The following CARD19 variants were observed in gnomAD, a reference collection of about 807,000 sequenced individuals.
CARD19 encodes caspase recruitment domain family member 19.
CARD19 carries 25 observed loss-of-function variants against 24.1 expected under a neutral mutation model. That is an observed-to-expected ratio of 1.04 (90% confidence interval 0.76 to 1.45). The LOEUF is 1.45. Among genes scored for constraint, CARD19 ranks in the 40% most tolerant of loss-of-function variants. The pLI is 0.00. For synonymous variants in CARD19, 103 were observed against 104.9 expected, an observed-to-expected ratio of 0.98 and a Z score of 0.11; for missense variants, 241 against 247.4, an observed-to-expected ratio of 0.97 and a Z score of 0.17.
chr9:93,098,376 G>A (rs1826957784), intron 1 of CARD19, among the ~76,000 whole-genome samples: 2 of 152,200 alleles, frequency 1.3e-5, no homozygotes, highest in Admixed American at 1.3e-4. Flanking sequence ...GGTGAGAGTG[G>A]GTGGGGCCAG....
intron 1 of CARD19, among the ~76,000 whole-genome samples, chr9:93,107,440 C>T (rs1014278127): frequency 1.3e-5 from 2 of 152,244 alleles, no homozygotes; most frequent in Non-Finnish European, 2.9e-5. Flanking sequence ...AGTGGGTTTC[C>T]ACCGCAACCC....
At chr9:93,098,738 C>T (rs1826972095) in intron 1 of CARD19, among the ~76,000 whole-genome samples, 1 of 152,186 alleles carries the variant, frequency 6.6e-6, no homozygotes, top group Non-Finnish European at 1.5e-5. Context: ...ACCGTGCGGC[C>T]TGTGCCAGCT....
intron 1 of CARD19, among the ~76,000 whole-genome samples, chr9:93,097,560 C>T (rs1234597784): frequency 2.6e-5 from 4 of 152,292 alleles, no homozygotes; most frequent in Admixed American, 6.5e-5. Context: ...AAATTGTGCC[C>T]TGCCCAGGCT....
intron 1 of CARD19, 48 bp from the exon 2 acceptor site, chr9:93,107,626 G>T: frequency 6.2e-7 from 1 of 1,607,372 alleles, no homozygotes; most frequent in East Asian, 2.2e-5. Flanking sequence ...TGTCGTCTCT[G>T]GTCCCCTTGG....
At chr9:93,106,808 C>T (rs73522745) in intron 1 of CARD19, among the ~76,000 whole-genome samples, 18 of 152,080 alleles carry the variant, frequency 1.2e-4, no homozygotes, top group African/African-American at 3.4e-4. Context: ...TCTTTGTGTA[C>T]ATGGGGAAAC....
In CARD19 at chr9:93,113,035, G is replaced by C. The variant is rs200862108; in HGVS notation, c.480G>C (p.Ser160=). ...LPGTRRVLGF[S]PVIIDRHVSR... ...GGACCCGGCGCGTCCTCGGTTTCTC[G>C]CCTGTCATCATCGACAGACATGTCA... Residue 160 remains serine, a synonymous_variant, in exon 6 of 6, where the codon TCG becomes TCC. Transcript: ENST00000375464. The C allele has an allele frequency of 6.2e-7, 1 of 1,608,916 alleles. No individual in the cohort carries two copies. The highest frequency in any genetic ancestry group is 8.5e-7 in the Non-Finnish European group (1 of 1,177,564).
intron 3 of CARD19, chr9:93,111,187 C>T: frequency 1.7e-6 from 2 of 1,189,824 alleles, no homozygotes; most frequent in Non-Finnish European, 2.1e-6. Context: ...TTCCATAGGA[C>T]ATTGTCAGGC....
Position 93,112,993 on chromosome 9 carries a change from C to A in CARD19, c.438C>A (p.Asp146Glu). The change falls in exon 6 of 6, where the codon GAC (aspartate) becomes GAA (glutamate). Residue 146 changes from aspartate to glutamate, a missense_variant and splice_region_variant. Coordinates refer to ENST00000375464, the MANE Select transcript of CARD19 (RefSeq NM_032310.5). ...LALLLYCYPP[D>E]PKGLPGTRRV... Reference sequence around the variant, plus strand: ...TTTGCCTCCCCTTTTGTCTTCTAGACCCCAAGGGCCTGCCAGGGACCCGGC... The same window carrying A: ...TTTGCCTCCCCTTTTGTCTTCTAGAACCCAAGGGCCTGCCAGGGACCCGGC... The A allele has an allele frequency of 6.2e-7, 1 of 1,604,964 alleles. No individual in the cohort carries two copies. The highest frequency in any genetic ancestry group is 8.5e-7 in the Non-Finnish European group (1 of 1,174,652).
rs1439089577 is a variant in CARD19, at chr9:93,096,603, G to A, written c.7+251G>A. Among the ~76,000 whole-genome samples, 1 of 152,212 alleles carries A rather than the reference G, an allele frequency of 6.6e-6. No individual in the cohort carries two copies. The highest frequency in any genetic ancestry group is 2.4e-5 in the African/African-American group (1 of 41,462). On this transcript the variant is annotated intron_variant, in intron 1 of 5. Transcript: ENST00000375464. This position sits in a 1 kb window ranked among gnomAD's most constrained non-coding sequence, Gnocchi z 5.4. Reference sequence around the variant, plus strand: ...GCATGATGGGTGGTGGCCAGGTGCGGGGCCCGAAGAGGGCGGGGGCTACAA... The same window carrying A: ...GCATGATGGGTGGTGGCCAGGTGCGAGGCCCGAAGAGGGCGGGGGCTACAA...
rs1178515257 is a variant in CARD19 at position 93,096,422 on chromosome 9, G to T, written c.7+70G>T. The T allele has an allele frequency of 2.5e-6, 3 of 1,210,872 alleles. No homozygotes were observed. The highest frequency in any genetic ancestry group is 3.1e-6 in the Non-Finnish European group (3 of 971,172). 75.0% of individuals were successfully genotyped at this position (1,210,872 alleles called of 1,614,324 possible). Reference sequence around the variant, plus strand: ...ATGGGTGGCCCGGCCCGGGGGTCCGGCTGCCTTGCGAGTCGCCTGCAGGCC... The same window carrying T: ...ATGGGTGGCCCGGCCCGGGGGTCCGTCTGCCTTGCGAGTCGCCTGCAGGCC... On this transcript the variant is annotated intron_variant, in intron 1 of 5. Coordinates refer to ENST00000375464, the MANE Select transcript of CARD19 (RefSeq NM_032310.5). This position sits in a 1 kb window ranked among gnomAD's most constrained non-coding sequence, Gnocchi z 5.4.
chr9:93,107,694 C>T lies in CARD19; in HGVS notation c.28C>T (p.Leu10=), dbSNP rs1330934398. Residue 10 remains leucine (L), a synonymous_variant, in exon 2 of 6, where the codon CTG becomes TTG. Coordinates refer to ENST00000375464, the MANE Select transcript of CARD19 (RefSeq NM_032310.5). MTDQTYCDR[L]VQDTPFLTGH... ...TTTAGATCAGACCTATTGTGACCGC[C>T]TGGTGCAGGACACGCCTTTCCTGAC... is the stretch of plus-strand genomic sequence containing the variant. 6.2e-7 allele frequency: 1 copy of T among 1,614,250 alleles called. No individual in the cohort carries two copies. The highest frequency in any genetic ancestry group is 1.1e-5 in the South Asian group (1 of 91,088).
At chr9:93,107,084 C>A in intron 1 of CARD19, among the ~76,000 whole-genome samples, 1 of 152,182 alleles carries the variant, frequency 6.6e-6, no homozygotes, top group Admixed American at 6.5e-5. Context: ...TAAGGCCTTG[C>A]AGACACACTG....
chr9:93,100,372 G>A (rs543954244), intron 1 of CARD19, among the ~76,000 whole-genome samples: 12 of 152,174 alleles, frequency 7.9e-5, no homozygotes, highest in African/African-American at 9.7e-5. Flanking sequence ...GTGCAGTGGC[G>A]CACTCTCGGC....
chr9:93,104,247 G>A (rs1460178584), intron 1 of CARD19, among the ~76,000 whole-genome samples: 2 of 152,172 alleles, frequency 1.3e-5, no homozygotes, highest in African/African-American at 4.8e-5. Context: ...TTCATAAAGA[G>A]TATTGGTCTG....
At position 93,110,498 on chromosome 9, in the gene CARD19, T is replaced by G. The variant is rs1240290235; in HGVS notation, c.151-70T>G. The G allele has an allele frequency of 2.0e-6, 3 of 1,520,068 alleles. No individual in the cohort carries two copies. In the East Asian group the frequency reaches 6.8e-5, roughly 35 times the overall value. 94.2% of individuals were successfully genotyped at this position (1,520,068 alleles called of 1,614,324 possible). A position where few individuals can be genotyped will look rare whatever the true frequency, so the allele number is the denominator to read the frequency against. On this transcript the variant is annotated intron_variant, in intron 2 of 5. Coordinates refer to ENST00000375464, the MANE Select transcript of CARD19 (RefSeq NM_032310.5). ...GAAGCTGAGGCTGGGGGCCTGACCT[T>G]GGTGCCCTGCCCTGACCCACAGCCA...
intron 2 of CARD19, among the ~76,000 whole-genome samples, chr9:93,108,370 G>GTA: frequency 6.6e-6 from 1 of 152,256 alleles, no homozygotes. Context: ...CATGTCACAG[G>GTA]TAGGCAGCTG....
chr9:93,106,967 G>C (rs1321649311), intron 1 of CARD19, among the ~76,000 whole-genome samples: 1 of 151,906 alleles, frequency 6.6e-6, no homozygotes, highest in East Asian at 1.9e-4. Context: ...AATGGAAAAG[G>C]TGGTAAAATG....
At chr9:93,111,018 C>T (rs997737766) in intron 3 of CARD19, 1 of 1,457,784 alleles carries the variant, frequency 6.9e-7, no homozygotes, top group African/African-American at 1.4e-5. Context: ...CCACTCTTGC[C>T]CTTCCTTTTC....
intron 1 of CARD19, among the ~76,000 whole-genome samples, chr9:93,100,710 A>G (rs1279396338): frequency 6.6e-6 from 1 of 152,240 alleles, no homozygotes; most frequent in Non-Finnish European, 1.5e-5. Flanking sequence ...CCGTTAAACA[A>G]TAACTCCCCT....
Sources: gnomAD v4.1 joint callset for allele counts (sites outside exome capture counted in the v4.1 genomes callset) on GRCh38, gnomAD v4.1.1 for gene constraint, Gnocchi (gnomAD v3.1) non-coding constraint, MANE v1.5 for transcripts, NCBI Gene and HGNC (gene_info 2026-07-23, HGNC 2026-07-21) for gene names.